The following GCLM variants were observed in gnomAD, a reference collection of about 807,000 sequenced individuals.
GCLM encodes the protein glutamate--cysteine ligase regulatory subunit.
GCLM carries 15 observed loss-of-function variants against 36.0 expected under a neutral mutation model. The ratio of observed to expected loss-of-function variants is 0.42; its 90% CI spans 0.28 to 0.64. GCLM has a LOEUF of 0.64. Ranked by LOEUF, GCLM falls within the 30% of genes least tolerant of loss-of-function variation. The pLI, the probability that GCLM is intolerant of heterozygous loss-of-function variation, is 0.25. For synonymous variants in GCLM, 129 were observed against 122.8 expected (o/e 1.05, Z -0.34); for missense variants, 242 against 325.5 (o/e 0.74, Z 1.97).
At chr1:93,899,040 C>A (rs1656850581) in intron 3 of GCLM, among the ~76,000 whole-genome samples, 1 of 151,928 alleles carries the variant, frequency 6.6e-6, no homozygotes, top group South Asian at 2.1e-4. Context: ...GGCTTTTTTT[C>A]CACTTAGGGG....
chr1:93,903,644 AC>A (rs1490703902), intron 2 of GCLM, among the ~76,000 whole-genome samples: 2 of 151,268 alleles, frequency 1.3e-5, no homozygotes, highest in Non-Finnish European at 2.9e-5. Context: ...GTAAACCAAA[AC>A]TTTTTTTTTC....
rs923477957 is a variant in GCLM at position 93,887,119 on chromosome 1, A to G, written c.*1871T>C. 1 of 148,438 alleles carries G rather than the reference A, an allele frequency of 6.7e-6. No homozygotes were observed. The highest frequency in any genetic ancestry group is 2.0e-4 in the East Asian group (1 of 4,918). The allele number at this position is 148,438 out of a possible 1,614,324, so 9.2% of individuals were successfully genotyped here. A position where few individuals can be genotyped will look rare whatever the true frequency, so the allele number is the denominator to read the frequency against. On this transcript the variant is annotated 3_prime_UTR_variant, in exon 7 of 7. Coordinates refer to ENST00000370238, the MANE Select transcript of GCLM (RefSeq NM_002061.4). ...CAAGCGATTCTCGTGCCTCGCCTCC[A>G]AAGTAGCTGGGATTACAGGAGCCCG...
intron 1 of GCLM, among the ~76,000 whole-genome samples, chr1:93,907,940 C>T (rs909900024): frequency 1.3e-5 from 2 of 152,166 alleles, no homozygotes; most frequent in Non-Finnish European, 2.9e-5. Context: ...CACTTAGGAA[C>T]ACAGCTGATT....
At chr1:93,902,469 C>T (rs1045470154) in intron 2 of GCLM, among the ~76,000 whole-genome samples, 13 of 151,546 alleles carry the variant, frequency 8.6e-5, no homozygotes, top group Non-Finnish European at 1.8e-4. Context: ...TGAGCCACCG[C>T]GCCCAGCCTG....
At chr1:93,898,303 G>GAAAAA (rs58007552) in intron 3 of GCLM, among the ~76,000 whole-genome samples, 420 of 16,424 alleles carry the variant, frequency 0.026, 102 homozygotes, top group Non-Finnish European at 0.032. Flanking sequence ...GAAGAAAACT[G>GAAAAA]AAAAAAAAAA....
At chr1:93,898,466 T>C (rs1009742547) in intron 3 of GCLM, among the ~76,000 whole-genome samples, 3 of 152,042 alleles carry the variant, frequency 2.0e-5, no homozygotes, top group African/African-American at 7.2e-5. Context: ...ATTTAAAATA[T>C]ATGTCTATGT....
Position 93,904,725 on chromosome 1 carries a change from A to G in GCLM, c.127-137T>C, listed in dbSNP as rs187554918. On this transcript the variant is annotated intron_variant, in intron 1 of 6. Coordinates refer to ENST00000370238, the MANE Select transcript of GCLM (RefSeq NM_002061.4). Reference sequence around the variant, plus strand: ...AAATACCATACAAACCCCAATTTTAATCCTACAAGGTTTTTGTTTCCTTCA... The same window carrying G: ...AAATACCATACAAACCCCAATTTTAGTCCTACAAGGTTTTTGTTTCCTTCA... 5.1e-4 allele frequency: 316 copies of G among 620,946 alleles called. 2 individuals are homozygous for G. In the East Asian group the frequency reaches 8.6e-3, roughly 17 times the overall value. 38.5% of individuals were successfully genotyped at this position (620,946 alleles called of 1,614,324 possible). A position where few individuals can be genotyped will look rare whatever the true frequency, so the allele number is the denominator to read the frequency against.
chr1:93,902,243 T>A (rs1656977904), intron 2 of GCLM, among the ~76,000 whole-genome samples: 1 of 146,688 alleles, frequency 6.8e-6, no homozygotes, highest in Admixed American at 6.9e-5. Context: ...AGTGGCACGA[T>A]CTCGGCTCAC....
chr1:93,901,323 C>T (rs1459625764), intron 3 of GCLM, among the ~76,000 whole-genome samples: 4 of 152,134 alleles, frequency 2.6e-5, no homozygotes, highest in Non-Finnish European at 5.9e-5. Flanking sequence ...CTTTCTACTG[C>T]TCTGAAGTTT....
intron 6 of GCLM, among the ~76,000 whole-genome samples, chr1:93,889,562 T>C (rs917380413): frequency 6.6e-6 from 1 of 151,650 alleles, no homozygotes; most frequent in African/African-American, 2.4e-5. Flanking sequence ...TTTTGGTGTA[T>C]ATGAGTATAT....
At position 93,893,326 on chromosome 1, in the gene GCLM, A is replaced by G. The variant is rs1035144387; in HGVS notation, c.655+1288T>C. On this transcript the variant is annotated intron_variant, in intron 6 of 6. Transcript: ENST00000370238. Reference sequence around the variant, plus strand: ...AGATAATCTCTCTGAGGCATTTGGCATGATGCTTGGCATTCAAGGAAAAAT... The same window carrying G: ...AGATAATCTCTCTGAGGCATTTGGCGTGATGCTTGGCATTCAAGGAAAAAT... Among the ~76,000 whole-genome samples the G allele has an allele frequency of 7.2e-5, 11 of 152,184 alleles. 1 individual carries two copies. The highest frequency in any genetic ancestry group is 5.9e-4 in the Admixed American group (9 of 15,266).
At chr1:93,896,498 C>T in intron 5 of GCLM, 120 bp downstream of exon 5, 1 of 727,032 alleles carries the variant, frequency 1.4e-6, no homozygotes, top group East Asian at 2.5e-5. Context: ...ACAAAACTCC[C>T]ACATGTGGAA....
At chr1:93,905,173 C>CAAAA (rs921621833) in intron 1 of GCLM, among the ~76,000 whole-genome samples, 1 of 68,312 alleles carries the variant, frequency 1.5e-5, no homozygotes, top group African/African-American at 4.2e-5. Context: ...ACTCTATTTC[C>CAAAA]AAAAAAAAAA....
rs1557722944 is a variant in GCLM at position 93,885,987 on chromosome 1, T to C, written c.*3003A>G. 1 of 152,184 alleles carries C rather than the reference T, an allele frequency of 6.6e-6. No homozygotes were observed. The highest frequency in any genetic ancestry group is 1.9e-4 in the East Asian group (1 of 5,206). 9.4% of individuals were successfully genotyped at this position (152,184 alleles called of 1,614,324 possible). The stretch of plus-strand genomic sequence containing the variant: ...ATAGCTGCTATCCAAATGATCTTTT[T>C]TGAAAAATGAAAAATTATTAGCTAT... On this transcript the variant is annotated 3_prime_UTR_variant, in exon 7 of 7. Coordinates refer to ENST00000370238, the MANE Select transcript of GCLM (RefSeq NM_002061.4).
intron 1 of GCLM, among the ~76,000 whole-genome samples, chr1:93,905,032 G>A (rs1360167151): frequency 6.6e-6 from 1 of 151,894 alleles, no homozygotes; most frequent in East Asian, 1.9e-4. Flanking sequence ...AAATCATGTG[G>A]GCCTAGTAGT....
At chr1:93,907,843 T>C (rs1657201002) in intron 1 of GCLM, among the ~76,000 whole-genome samples, 1 of 152,192 alleles carries the variant, frequency 6.6e-6, no homozygotes, top group African/African-American at 2.4e-5. Flanking sequence ...ACAACAGGCC[T>C]GGGCACAGGT....
rs1656358998 is a variant in GCLM, at chr1:93,887,468, C to T, written c.*1522G>A. ...CCTGTGGTTTAAAAATATTGAGATACAAGAGTTTTTTTTTTTTTTTGAGAT... is the reference window on the plus strand; with the variant it reads ...CCTGTGGTTTAAAAATATTGAGATATAAGAGTTTTTTTTTTTTTTTGAGAT... On this transcript the variant is annotated 3_prime_UTR_variant, in exon 7 of 7. Coordinates refer to ENST00000370238, the MANE Select transcript of GCLM (RefSeq NM_002061.4). The T allele has an allele frequency of 7.5e-6, 1 of 132,534 alleles. No homozygotes were observed. The highest frequency in any genetic ancestry group is 2.7e-5 in the African/African-American group (1 of 36,954). The allele number at this position is 132,534 out of a possible 1,614,324, so 8.2% of individuals were successfully genotyped here. A position where few individuals can be genotyped will look rare whatever the true frequency, so the allele number is the denominator to read the frequency against.
At chr1:93,903,043 T>C (rs1423210601) in intron 2 of GCLM, among the ~76,000 whole-genome samples, 1 of 152,158 alleles carries the variant, frequency 6.6e-6, no homozygotes, top group East Asian at 1.9e-4. Flanking sequence ...TTTTAAGCAC[T>C]GAATAATATT....
chr1:93,901,148 AT>A (rs1656934011), intron 3 of GCLM, among the ~76,000 whole-genome samples: 1 of 151,982 alleles, frequency 6.6e-6, no homozygotes, highest in Non-Finnish European at 1.5e-5. Flanking sequence ...GTGTTACAGT[AT>A]TTTCTTTCTC....
Sources: allele counts gnomAD v4.1 joint callset (sites outside exome capture counted in the v4.1 genomes callset), GRCh38; gene constraint gnomAD v4.1.1; transcripts MANE v1.5; gene names NCBI Gene and HGNC (gene_info 2026-07-23, HGNC 2026-07-21).